ATL1: variants seen among roughly 807,000 people sequenced by gnomAD.
ATL1 encodes atlastin GTPase 1, also known as atlastin-1.
ATL1 carries 31 observed loss-of-function variants against 75.5 expected under a neutral mutation model. The ratio of observed to expected loss-of-function variants is 0.41; its 90% confidence interval spans 0.31 to 0.55. ATL1 has a LOEUF of 0.55. Among genes scored for constraint, ATL1 ranks in the 20% least tolerant of loss-of-function variants. The probability of loss-of-function intolerance (pLI) is 0.27; values close to 1 mark genes in which losing one functional copy is unlikely to be tolerated. For missense variants in ATL1, 405 were observed against 662.6 expected (o/e 0.61, Z 4.27); for synonymous variants, 226 against 233.3 (o/e 0.97, Z 0.28).
intron 6 of ATL1, among the ~76,000 whole-genome samples, chr14:50,608,789 A>T (rs1346673143): frequency 6.6e-6 from 1 of 152,040 alleles, no homozygotes; most frequent in Non-Finnish European, 1.5e-5. Flanking sequence ...ATTACTTCCC[A>T]GCTAACATCT....
chr14:50,598,530 T>C (rs908046352), intron 6 of ATL1, among the ~76,000 whole-genome samples: 1 of 151,862 alleles, frequency 6.6e-6, no homozygotes, highest in African/African-American at 2.4e-5. Context: ...CCAGCTAATT[T>C]TGTTGTGCTT....
intron 1 of ATL1, among the ~76,000 whole-genome samples, chr14:50,583,288 T>C (rs1024422829): frequency 1.3e-5 from 2 of 152,220 alleles, no homozygotes; most frequent in Non-Finnish European, 2.9e-5. Flanking sequence ...CTGTCATTAT[T>C]TGAAAATTGT....
intron 12 of ATL1, 80 bp downstream of exon 12, chr14:50,628,542 G>A (rs150703632): frequency 7.0e-7 from 1 of 1,431,660 alleles, no homozygotes; most frequent in African/African-American, 1.4e-5. Context: ...ATTAGATGTT[G>A]GAAATACAGA....
At chr14:50,553,493 G>A (rs919445893) in intron 1 of ATL1, among the ~76,000 whole-genome samples, 3 of 151,954 alleles carry the variant, frequency 2.0e-5, no homozygotes, top group South Asian at 2.1e-4. Context: ...GCTCTTTTAC[G>A]CTGCTGGTGG....
At chr14:50,604,866 A>G (rs2039302581) in intron 6 of ATL1, among the ~76,000 whole-genome samples, 2 of 152,050 alleles carry the variant, frequency 1.3e-5, no homozygotes, top group African/African-American at 4.8e-5. Flanking sequence ...AGTTAGCAAT[A>G]GTGATTGTAC....
At chr14:50,580,877 C>A (rs1007784821) in intron 1 of ATL1, among the ~76,000 whole-genome samples, 2 of 148,480 alleles carry the variant, frequency 1.3e-5, no homozygotes, top group Non-Finnish European at 2.9e-5. Context: ...TTAATTTTTT[C>A]TAGGTATAAC....
intron 8 of ATL1, among the ~76,000 whole-genome samples, chr14:50,619,146 G>A (rs550095466): frequency 3.7e-4 from 56 of 151,806 alleles, no homozygotes; most frequent in African/African-American, 1.3e-3. Flanking sequence ...TCTGCCTCCC[G>A]GGTTCAAGCG....
chr14:50,534,957 T>C (rs2038474055), intron 1 of ATL1, among the ~76,000 whole-genome samples: 1 of 152,250 alleles, frequency 6.6e-6, no homozygotes, highest in Non-Finnish European at 1.5e-5. Context: ...TATGTAATAA[T>C]ATGTTAGTTA....
chr14:50,631,397 T>C (rs2039579436), intron 13 of ATL1, among the ~76,000 whole-genome samples: 1 of 152,162 alleles, frequency 6.6e-6, no homozygotes, highest in Admixed American at 6.5e-5. Flanking sequence ...TTATGCAGCT[T>C]TTAAAAATAT....
chr14:50,539,302 G>A (rs2038532802), intron 1 of ATL1, among the ~76,000 whole-genome samples: 1 of 152,114 alleles, frequency 6.6e-6, no homozygotes, highest in Admixed American at 6.5e-5. Flanking sequence ...GTAACAGTGA[G>A]GTTTACTAAA....
chr14:50,583,117 C>T (rs2039072322), intron 1 of ATL1, among the ~76,000 whole-genome samples: 1 of 152,052 alleles, frequency 6.6e-6, no homozygotes, highest in Non-Finnish European at 1.5e-5. Context: ...AAAAGTAACC[C>T]CAATAGGCAA....
chr14:50,551,644 G>A (rs12882292), intron 1 of ATL1, among the ~76,000 whole-genome samples: 31,297 of 151,990 alleles, frequency 0.21, 3,932 homozygotes, highest in Middle Eastern at 0.29. Context: ...CTAGCTTTCT[G>A]AATCTAATAG....
chr14:50,620,070 C>G (rs568472576), intron 8 of ATL1, among the ~76,000 whole-genome samples: 21 of 152,180 alleles, frequency 1.4e-4, no homozygotes, highest in African/African-American at 4.8e-4. Context: ...CCATCCTGGC[C>G]AACATGGTGA....
At chr14:50,590,872 A>T (rs905849725) in intron 2 of ATL1, 69 bp from the exon 3 acceptor site, 87 of 1,509,054 alleles carry the variant, frequency 5.8e-5, no homozygotes, top group Non-Finnish European at 7.3e-5. Flanking sequence ...GATAAGAATC[A>T]GAATGAATGA....
At chr14:50,590,835 G>C in intron 2 of ATL1, 106 bp from the exon 3 acceptor site, 1 of 1,208,516 alleles carries the variant, frequency 8.3e-7, no homozygotes, top group Non-Finnish European at 1.2e-6. Context: ...TGCATATGTT[G>C]TTTCCTTTTA....
At chr14:50,624,655 A>G (rs1470796068) in intron 11 of ATL1, among the ~76,000 whole-genome samples, 1 of 152,094 alleles carries the variant, frequency 6.6e-6, no homozygotes, top group African/African-American at 2.4e-5. Context: ...AAAAGCTAGA[A>G]ATGACTAAGC....
chr14:50,584,442 G>A (rs892808004), intron 1 of ATL1, among the ~76,000 whole-genome samples: 5 of 151,596 alleles, frequency 3.3e-5, no homozygotes, highest in African/African-American at 9.7e-5. Flanking sequence ...GGTGGCTCAC[G>A]CCTGTAATCC....
chr14:50,559,731 T>A (rs1177782983), upstream of ATL1: 2 of 155,404 alleles, frequency 1.3e-5, no homozygotes, highest in East Asian at 3.7e-4. Context: ...AACATGACCT[T>A]GCTTTTAAAA....
rs1258918230 is a variant in ATL1, at chr14:50,632,711, T to G, written c.*372T>G. On this transcript the variant is annotated 3_prime_UTR_variant, in exon 14 of 14. Transcript: ENST00000358385. Reference sequence around the variant, plus strand: ...CTCATTTAATTTCTACAGAAAAAATTTTAAATTATTTCACATTAGCCATTT... The same window carrying G: ...CTCATTTAATTTCTACAGAAAAAATGTTAAATTATTTCACATTAGCCATTT... The G allele has an allele frequency of 4.8e-6, 1 of 209,578 alleles. No individual in the cohort carries two copies. The highest frequency in any genetic ancestry group is 9.7e-6 in the Non-Finnish European group (1 of 102,636). The allele number at this position is 209,578 out of a possible 1,614,324, so 13.0% of individuals were successfully genotyped here.
Sources: allele counts gnomAD v4.1 joint callset (sites outside exome capture counted in the v4.1 genomes callset), GRCh38; gene constraint gnomAD v4.1.1; transcripts MANE v1.5; gene names NCBI Gene and HGNC (gene_info 2026-07-23, HGNC 2026-07-21).